DLG2: variants seen among roughly 807,000 people sequenced by gnomAD.
The protein encoded by DLG2 is discs large MAGUK scaffold protein 2, also known as disks large homolog 2.
DLG2 carries 45 observed loss-of-function variants against 132.5 expected under a neutral mutation model. The ratio of observed to expected loss-of-function variants is 0.34; its 90% confidence interval spans 0.27 to 0.44. The LOEUF (loss-of-function observed/expected upper bound fraction) is 0.44. DLG2 is among the 20% of genes least tolerant of loss of function. The probability of loss-of-function intolerance (pLI) is 1.00; values close to 1 mark genes in which losing one functional copy is unlikely to be tolerated. For missense variants in DLG2, 1,045 were observed against 1,196.9 expected (o/e 0.87, Z 1.87); for synonymous variants, 424 against 419.6 (o/e 1.01, Z -0.13).
intron 6 of DLG2, among the ~76,000 whole-genome samples, chr11:85,072,025 G>C (rs1304524227): frequency 6.6e-6 from 1 of 151,780 alleles, no homozygotes; most frequent in Non-Finnish European, 1.5e-5. Flanking sequence ...GCATCCCTAT[G>C]TCACTCAAAG....
chr11:84,611,154 A>G (rs1341255819), intron 6 of DLG2, among the ~76,000 whole-genome samples: 1 of 152,042 alleles, frequency 6.6e-6, no homozygotes, highest in Non-Finnish European at 1.5e-5. Context: ...CTCAAATAAT[A>G]CTGTCAAATT....
chr11:85,004,189 C>T (rs1033721428), intron 6 of DLG2, among the ~76,000 whole-genome samples: 8 of 151,964 alleles, frequency 5.3e-5, no homozygotes, highest in Admixed American at 1.3e-4. Flanking sequence ...TACATGTGCA[C>T]GTGTCTTTAT....
At chr11:83,990,252 G>A (rs1379797670) in intron 11 of DLG2, among the ~76,000 whole-genome samples, 1 of 152,058 alleles carries the variant, frequency 6.6e-6, no homozygotes, top group Non-Finnish European at 1.5e-5. Context: ...GACCTGTTTG[G>A]CAATCACTTG....
At chr11:85,109,651 T>C (rs893278019) in intron 6 of DLG2, among the ~76,000 whole-genome samples, 4 of 152,148 alleles carry the variant, frequency 2.6e-5, no homozygotes, top group Non-Finnish European at 1.5e-5. Context: ...AAATTACCAG[T>C]GTATTAGAGG....
chr11:83,965,612 C>A, intron 12 of DLG2, 144 bp from the exon 13 acceptor site: 1 of 660,178 alleles, frequency 1.5e-6, no homozygotes. Flanking sequence ...ATGCATTAGT[C>A]AAAGCAGATA....
intron 4 of DLG2, among the ~76,000 whole-genome samples, chr11:85,254,802 C>A (rs1327780757): frequency 6.6e-6 from 1 of 151,926 alleles, no homozygotes; most frequent in Non-Finnish European, 1.5e-5. Flanking sequence ...AGATCAAGAC[C>A]ATCCTGGCTA....
chr11:83,816,494 T>A (rs927201251), intron 17 of DLG2, among the ~76,000 whole-genome samples: 2 of 151,994 alleles, frequency 1.3e-5, no homozygotes, highest in African/African-American at 4.8e-5. Context: ...GAACCTCAGT[T>A]TTTTTTCACT....
chr11:83,788,045 T>C (rs1204353894), intron 17 of DLG2, among the ~76,000 whole-genome samples: 1 of 152,234 alleles, frequency 6.6e-6, no homozygotes, highest in East Asian at 1.9e-4. Flanking sequence ...TTGCAGATGA[T>C]AGCAGAATTC....
At chr11:85,118,867 A>T (rs1347793368) in intron 5 of DLG2, among the ~76,000 whole-genome samples, 1 of 151,924 alleles carries the variant, frequency 6.6e-6, no homozygotes, top group Non-Finnish European at 1.5e-5. Flanking sequence ...TTAAGGAATT[A>T]TTGTAAGGAT....
intron 6 of DLG2, among the ~76,000 whole-genome samples, chr11:84,984,821 G>C (rs551830501): frequency 6.6e-6 from 1 of 152,070 alleles, no homozygotes; most frequent in Non-Finnish European, 1.5e-5. Context: ...CACCAAAAGC[G>C]GGCAGGAGTA....
chr11:85,424,341 T>A (rs1298128854), intron 3 of DLG2, among the ~76,000 whole-genome samples: 1 of 152,188 alleles, frequency 6.6e-6, no homozygotes, highest in African/African-American at 2.4e-5. Flanking sequence ...GATTTATTCC[T>A]GCCATCACTC....
chr11:84,420,889 C>T (rs1360965102), intron 7 of DLG2, among the ~76,000 whole-genome samples: 3 of 151,504 alleles, frequency 2.0e-5, no homozygotes, highest in South Asian at 2.1e-4. Context: ...AGGATGGTCT[C>T]GATCTCCTGA....
chr11:84,090,154 C>T (rs960625971), intron 10 of DLG2, among the ~76,000 whole-genome samples: 2 of 152,122 alleles, frequency 1.3e-5, no homozygotes, highest in Non-Finnish European at 2.9e-5. Context: ...TGGCTCACGC[C>T]TGTAATCCTA....
At chr11:83,939,235 G>T (rs1263777610) in intron 14 of DLG2, among the ~76,000 whole-genome samples, 3 of 152,150 alleles carry the variant, frequency 2.0e-5, no homozygotes, top group African/African-American at 7.2e-5. Context: ...TACACTCCCT[G>T]TCTATTCAGC....
At chr11:85,138,694 G>A (rs2076273372) in intron 5 of DLG2, among the ~76,000 whole-genome samples, 1 of 152,094 alleles carries the variant, frequency 6.6e-6, no homozygotes, top group South Asian at 2.1e-4. Context: ...AGTCTCACAA[G>A]ATCTGATGGG....
chr11:83,736,679 T>C (rs544691045), intron 18 of DLG2, among the ~76,000 whole-genome samples: 3 of 152,172 alleles, frequency 2.0e-5, no homozygotes, highest in South Asian at 4.1e-4. Context: ...TTTTTGAAAA[T>C]GTAGTTGCTC....
chr11:85,241,513 T>G (rs1291768530), intron 4 of DLG2, among the ~76,000 whole-genome samples: 1 of 151,972 alleles, frequency 6.6e-6, no homozygotes, highest in Non-Finnish European at 1.5e-5. Flanking sequence ...TCTGTTTACA[T>G]TAATGGGGTA....
At chr11:84,791,025 G>T (rs907541201) in intron 6 of DLG2, among the ~76,000 whole-genome samples, 8 of 152,276 alleles carry the variant, frequency 5.3e-5, no homozygotes, top group Middle Eastern at 3.4e-3. Context: ...CCGCATGACT[G>T]GGGAGGCCTC....
At chr11:83,769,979 G>A (rs1193969727) in intron 18 of DLG2, among the ~76,000 whole-genome samples, 1 of 152,228 alleles carries the variant, frequency 6.6e-6, no homozygotes, top group African/African-American at 2.4e-5. Context: ...AATCTGTGGT[G>A]CCCAAAAACC....
Sources: gnomAD v4.1 joint callset for allele counts (sites outside exome capture counted in the v4.1 genomes callset) on GRCh38, gnomAD v4.1.1 for gene constraint, MANE v1.5 for transcripts, NCBI Gene and HGNC (gene_info 2026-07-23, HGNC 2026-07-21) for gene names.